The following RPS6KA2 variants were observed in gnomAD, a reference collection of about 807,000 sequenced individuals.
RPS6KA2 encodes ribosomal protein S6 kinase A2, also known as ribosomal protein S6 kinase alpha-2.
RPS6KA2 carries 42 observed loss-of-function variants against 91.8 expected under a neutral mutation model. The observed-to-expected ratio is 0.46, with a 90% CI of 0.36 to 0.59. The LOEUF is 0.59. Among genes scored for constraint, RPS6KA2 ranks in the 20% least tolerant of loss-of-function variants. The pLI is 0.00. For missense variants in RPS6KA2, 798 were observed against 978.5 expected, an observed-to-expected ratio of 0.82 and a Z score of 2.46; for synonymous variants, 414 against 393.6, an observed-to-expected ratio of 1.05 and a Z score of -0.61.
At chr6:166,679,865 C>T (rs1451287221) in intron 2 of RPS6KA2, among the ~76,000 whole-genome samples, 3 of 152,362 alleles carry the variant, frequency 2.0e-5, no homozygotes, top group African/African-American at 4.8e-5. Flanking sequence ...GGTTGGCCAG[C>T]GCCTGCTGGG....
At chr6:166,469,326 G>GTTTTTT (rs60876703) in intron 11 of RPS6KA2, among the ~76,000 whole-genome samples, 128 of 137,746 alleles carry the variant, frequency 9.3e-4, no homozygotes, top group African/African-American at 3.0e-3. Context: ...CGGCACTGTT[G>GTTTTTT]TTTTTTTTTT....
intron 2 of RPS6KA2, among the ~76,000 whole-genome samples, chr6:166,760,240 C>T (rs1192637790): frequency 1.3e-5 from 2 of 152,314 alleles, no homozygotes; most frequent in Non-Finnish European, 2.9e-5. Context: ...GGAAGGTGGG[C>T]TCATTCTGGT....
At chr6:166,680,563 C>G (rs992595473) in intron 2 of RPS6KA2, among the ~76,000 whole-genome samples, 5 of 152,182 alleles carry the variant, frequency 3.3e-5, no homozygotes, top group African/African-American at 1.2e-4. Context: ...AGGTTTGCAG[C>G]TTCACTCCTG....
chr6:166,638,594 C>T (rs1787322157), intron 2 of RPS6KA2, among the ~76,000 whole-genome samples: 1 of 152,224 alleles, frequency 6.6e-6, no homozygotes, highest in Admixed American at 6.5e-5. Context: ...ATGGACTGTA[C>T]ACTGGGAAGT....
At chr6:166,468,804 C>T (rs1477460618) in intron 11 of RPS6KA2, among the ~76,000 whole-genome samples, 2 of 143,142 alleles carry the variant, frequency 1.4e-5, no homozygotes, top group African/African-American at 5.2e-5. Flanking sequence ...GTGGAGCTTG[C>T]AGTGAGCCGA....
Position 166,448,738 on chromosome 6 carries a change from C to G in RPS6KA2, c.1318G>C (p.Glu440Gln). 1 of 1,612,538 alleles carries G rather than the reference C, an allele frequency of 6.2e-7. No individual in the cohort carries two copies. Among genetic ancestry groups the G allele is most frequent in the Non-Finnish European group, 8.5e-7 (1 of 1,179,282 alleles). ...KRCVHKATDTEYAVKIIDKSK... is the reference protein window; with the variant it reads ...KRCVHKATDTQYAVKIIDKSK... ...GCCTGCCTTACCTTCACGGCATACT[C>G]GGTGTCTGTGGCTTTATGCACACAT... The change falls in exon 14 of 21, where the codon GAG (glutamate) becomes CAG (glutamine). Residue 440 changes from glutamate to glutamine, a missense_variant. Glu to Gln is a conservative substitution (Grantham distance 29, BLOSUM62 2). Transcript: ENST00000265678. The surrounding 1 kb of genome is among the most constrained non-coding windows in gnomAD (Gnocchi z 4.7).
intron 2 of RPS6KA2, among the ~76,000 whole-genome samples, chr6:166,723,463 T>G (rs554942894): frequency 6.6e-6 from 1 of 151,802 alleles, no homozygotes; most frequent in Non-Finnish European, 1.5e-5. Context: ...CCCACATGTA[T>G]GCACCGCCTT....
Position 166,459,333 on chromosome 6 carries a change from C to A in RPS6KA2, c.1075+116G>T. ...CAACAAAAAACCCAAACAGAATGGACAGTTATTTTCCATGAAAAGAATTCT... is the reference window on the plus strand; with the variant it reads ...CAACAAAAAACCCAAACAGAATGGAAAGTTATTTTCCATGAAAAGAATTCT... On this transcript the variant is annotated intron_variant, in intron 12 of 20. Coordinates refer to ENST00000265678, the MANE Select transcript of RPS6KA2 (RefSeq NM_021135.6). The surrounding 1 kb of genome is among the most constrained non-coding windows in gnomAD (Gnocchi z 4.9). 1 of 656,042 alleles carries A rather than the reference C, an allele frequency of 1.5e-6. No homozygotes were observed. The highest frequency in any genetic ancestry group is 2.7e-6 in the Non-Finnish European group (1 of 376,778). 40.6% of individuals were successfully genotyped at this position (656,042 alleles called of 1,614,324 possible). A position where few individuals can be genotyped will look rare whatever the true frequency, so the allele number is the denominator to read the frequency against.
At position 166,437,009 on chromosome 6, in the gene RPS6KA2, G is replaced by A. The variant is rs912789941; in HGVS notation, c.1333-4519C>T. On this transcript the variant is annotated intron_variant, in intron 14 of 20. Coordinates refer to ENST00000265678, the MANE Select transcript of RPS6KA2 (RefSeq NM_021135.6). This position sits in a 1 kb window ranked among gnomAD's most constrained non-coding sequence, Gnocchi z 4.3. The stretch of plus-strand genomic sequence containing the variant: ...CAGGAAGTGCTGGCTGCTTTTCCCT[G>A]TAACTTTTTCTGAAAAAAAAATTTT... 6.6e-6 allele frequency among the ~76,000 whole-genome samples: 1 copy of A among 151,798 alleles called. No individual in the cohort carries two copies. The highest frequency in any genetic ancestry group is 2.4e-5 in the African/African-American group (1 of 41,236).
intron 17 of RPS6KA2, among the ~76,000 whole-genome samples, chr6:166,420,741 T>C (rs1778694251): frequency 6.6e-6 from 1 of 152,222 alleles, no homozygotes; most frequent in Non-Finnish European, 1.5e-5. Context: ...TCAATTCTTT[T>C]GGGTATATAC....
chr6:166,616,394 C>A (rs940037686), intron 1 of RPS6KA2, among the ~76,000 whole-genome samples: 1 of 149,838 alleles, frequency 6.7e-6, no homozygotes. Flanking sequence ...ATCACCACCA[C>A]CACTAACGGG....
At chr6:166,475,951 G>C (rs1483763918) in intron 10 of RPS6KA2, 1 of 407,218 alleles carries the variant, frequency 2.5e-6, no homozygotes, top group African/African-American at 2.1e-5. Context: ...GAAACTCTGG[G>C]AGGGGTCAAC....
chr6:166,578,322 T>C (rs1784902842), intron 1 of RPS6KA2, among the ~76,000 whole-genome samples: 1 of 152,138 alleles, frequency 6.6e-6, no homozygotes, highest in Non-Finnish European at 1.5e-5. Flanking sequence ...GTCCTTGAGC[T>C]TATAATTGGG....
In RPS6KA2 at chr6:166,557,097, CT is replaced by C. The variant is rs1784199601; in HGVS notation, c.100-18314del. ...GCCTCGCCAAACACGTTTTCTCTTCCTGTTACCCAGTGCCAAGTGGCTGTGC... is the reference window on the plus strand; with the variant it reads ...GCCTCGCCAAACACGTTTTCTCTTCCGTTACCCAGTGCCAAGTGGCTGTGC... On this transcript the variant is annotated intron_variant, in intron 1 of 20. Transcript: ENST00000265678. The surrounding 1 kb of genome is among the most constrained non-coding windows in gnomAD (Gnocchi z 4.8). 1.3e-5 allele frequency among the ~76,000 whole-genome samples: 2 copies of C among 152,226 alleles called. No individual in the cohort carries two copies. Among genetic ancestry groups the C allele is most frequent in the African/African-American group, 4.8e-5 (2 of 41,462 alleles).
intron 1 of RPS6KA2, among the ~76,000 whole-genome samples, chr6:166,577,911 A>C (rs1316554529): frequency 6.6e-6 from 1 of 152,166 alleles, no homozygotes; most frequent in Admixed American, 6.5e-5. Context: ...CTGATGGGAG[A>C]TAATTTGAAT....
At chr6:166,624,486 G>GCT (rs1786758854) in intron 1 of RPS6KA2, among the ~76,000 whole-genome samples, 1 of 152,178 alleles carries the variant, frequency 6.6e-6, no homozygotes, top group Non-Finnish European at 1.5e-5. Context: ...CGAACAGGCA[G>GCT]CCTTCTCAAG....
At chr6:166,540,201 T>C (rs572135160) in intron 1 of RPS6KA2, among the ~76,000 whole-genome samples, 1 of 152,314 alleles carries the variant, frequency 6.6e-6, no homozygotes, top group East Asian at 1.9e-4. Flanking sequence ...GAAATCACAA[T>C]AGCAATAACG....
At chr6:166,598,830 T>C (rs1785631332) in intron 1 of RPS6KA2, among the ~76,000 whole-genome samples, 1 of 152,236 alleles carries the variant, frequency 6.6e-6, no homozygotes, top group African/African-American at 2.4e-5. Flanking sequence ...ACCTCCCTTC[T>C]TTCCTGCCTC....
At chr6:166,643,720 G>A (rs1582978193) in intron 2 of RPS6KA2, among the ~76,000 whole-genome samples, 1 of 152,302 alleles carries the variant, frequency 6.6e-6, no homozygotes, top group Middle Eastern at 3.4e-3. Context: ...GATTAATACT[G>A]AATCCTCCTA....
Sources: allele counts gnomAD v4.1 joint callset (sites outside exome capture counted in the v4.1 genomes callset), GRCh38; gene constraint gnomAD v4.1.1; non-coding constraint Gnocchi (gnomAD v3.1); transcripts MANE v1.5; gene names NCBI Gene and HGNC (gene_info 2026-07-23, HGNC 2026-07-21).